The following SLC37A1 variants were observed in gnomAD, a reference collection of about 807,000 sequenced individuals.
SLC37A1 encodes the protein glucose-6-phosphate exchanger SLC37A1.
A neutral mutation model predicts 75.3 loss-of-function variants in SLC37A1; 49 were observed. The observed-to-expected ratio is 0.65, with a 90% CI of 0.52 to 0.83. The LOEUF is 0.83. SLC37A1 is among the 40% of genes least tolerant of loss of function. SLC37A1 has a pLI of 0.00. For synonymous variants in SLC37A1, 268 were observed against 292.1 expected, an observed-to-expected ratio of 0.92 and a Z score of 0.84; for missense variants, 566 against 695.0, an observed-to-expected ratio of 0.81 and a Z score of 2.09.
intron 3 of SLC37A1, 99 bp downstream of exon 3, chr21:42,525,956 GA>G (rs1413770453): frequency 1.2e-6 from 1 of 808,248 alleles, no homozygotes; most frequent in African/African-American, 1.7e-5. Context: ...GGTACATGGG[GA>G]AACAGATTAT....
At chr21:42,507,509 C>T (rs959288011) in intron 2 of SLC37A1, among the ~76,000 whole-genome samples, 30 of 152,112 alleles carry the variant, frequency 2.0e-4, no homozygotes, top group African/African-American at 6.5e-4. Context: ...ATAGGCAACC[C>T]GGGAAAGAGT....
In SLC37A1 at chr21:42,580,813, C is replaced by A; in HGVS notation, c.*453C>A. ...CACATGGAAAAACAGGACACCAGAG[C>A]CCACCAGACAGTGCCGGCCAGCAGA... On this transcript the variant is annotated 3_prime_UTR_variant, in exon 20 of 20. Coordinates refer to ENST00000352133, the MANE Select transcript of SLC37A1 (RefSeq NM_001320537.2). 5.2e-6 allele frequency: 1 copy of A among 193,432 alleles called. No individual in the cohort carries two copies. Among genetic ancestry groups the A allele is most frequent in the East Asian group, 1.7e-4 (1 of 6,012 alleles). 12.0% of individuals were successfully genotyped at this position (193,432 alleles called of 1,614,324 possible). A position where few individuals can be genotyped will look rare whatever the true frequency, so the allele number is the denominator to read the frequency against.
chr21:42,535,969 T>G (rs541922908), intron 5 of SLC37A1, among the ~76,000 whole-genome samples: 1 of 152,340 alleles, frequency 6.6e-6, no homozygotes, highest in East Asian at 1.9e-4. Context: ...GAATTTCACC[T>G]GATGATCGAA....
intron 2 of SLC37A1, among the ~76,000 whole-genome samples, chr21:42,520,317 C>T (rs1374527360): frequency 6.6e-6 from 1 of 152,126 alleles, no homozygotes; most frequent in African/African-American, 2.4e-5. Flanking sequence ...GTTCCTCGGC[C>T]TTTTTTCATC....
intron 10 of SLC37A1, among the ~76,000 whole-genome samples, chr21:42,557,359 G>C (rs1371568006): frequency 6.6e-6 from 1 of 152,278 alleles, no homozygotes; most frequent in East Asian, 1.9e-4. Flanking sequence ...CTTAGCCACA[G>C]TAGAGCATTA....
At chr21:42,512,069 T>TCAC (rs1394260402), upstream of SLC37A1, among the ~76,000 whole-genome samples, 3 of 65,368 alleles carry the variant, frequency 4.6e-5, no homozygotes, top group Non-Finnish European at 9.7e-5. Context: ...TTAAATATTC[T>TCAC]CACCACCAAA....
Position 42,569,774 on chromosome 21 carries a change from G to A in SLC37A1, c.1423+1336G>A, listed in dbSNP as rs577873437. Among the ~76,000 whole-genome samples the A allele has an allele frequency of 6.6e-5, 10 of 152,342 alleles. No individual in the cohort carries two copies. The East Asian group carries it at 1.5e-3, about 24-fold the overall frequency. ...ACTGGAACGGAAGCTCCAGGAGGAC[G>A]GGATTTGCCTGATTCTTTGCTGTAT... On this transcript the variant is annotated intron_variant, in intron 17 of 19. Coordinates refer to ENST00000352133, the MANE Select transcript of SLC37A1 (RefSeq NM_001320537.2).
rs2055997038 is a variant in SLC37A1 at position 42,567,030 on chromosome 21, T to A, written c.1316T>A (p.Leu439His). 1.9e-6 allele frequency: 3 copies of A among 1,609,034 alleles called. No individual in the cohort carries two copies. The highest frequency in any genetic ancestry group is 1.3e-5 in the African/African-American group (1 of 74,884). ...GCCCTGGTCAGTGGGCCCTACACACTCATCACCACCGCCGTCTCCGCCGAC... is the reference window on the plus strand; with the variant it reads ...GCCCTGGTCAGTGGGCCCTACACACACATCACCACCGCCGTCTCCGCCGAC... ...SGALVSGPYT[L>H]ITTAVSADLG... The change falls in exon 16 of 20, where the codon CTC becomes CAC. Residue 439 changes from leucine to histidine, a missense_variant. Transcript: ENST00000352133.
At chr21:42,577,553 T>C (rs2147074530) in intron 18 of SLC37A1, among the ~76,000 whole-genome samples, 1 of 152,320 alleles carries the variant, frequency 6.6e-6, no homozygotes, top group East Asian at 1.9e-4. Context: ...GCAGTTCTTA[T>C]GTTGTCAAGC....
intron 3 of SLC37A1, among the ~76,000 whole-genome samples, chr21:42,530,654 A>ACACACACCCCCCCCC (rs1161313598): frequency 5.6e-5 from 2 of 35,878 alleles, no homozygotes; most frequent in African/African-American, 1.6e-4. Context: ...ACACACACAC[A>ACACACACCCCCCCCC]CCCCCTCTGT....
intron 17 of SLC37A1, among the ~76,000 whole-genome samples, chr21:42,569,458 G>A (rs1384703279): frequency 2.0e-5 from 3 of 151,998 alleles, no homozygotes; most frequent in Non-Finnish European, 4.4e-5. Flanking sequence ...GTCACACCCC[G>A]TGCCTGGGAA....
chr21:42,542,448 C>T lies in SLC37A1; in HGVS notation c.531C>T (p.Val177=), dbSNP rs1158429914. 1.2e-6 allele frequency: 2 copies of T among 1,613,944 alleles called. No homozygotes were observed. The highest frequency in any genetic ancestry group is 2.2e-5 in the East Asian group (1 of 44,896). The change falls in exon 7 of 20, where the codon GTC becomes GTT. Residue 177 remains valine, a synonymous_variant. Transcript: ENST00000352133. ...AGACCACCGGCTGGCCCAGCGTCGT[C>T]ACCTGCCTCGGCAACTGGTTTGGAA... is the stretch of plus-strand genomic sequence containing the variant. ...LVQTTGWPSV[V]TCLGNWFGKG... is the part of the protein sequence containing the mutation.
At chr21:42,569,491 CCG>C (rs1165781347) in intron 17 of SLC37A1, among the ~76,000 whole-genome samples, 18 of 11,670 alleles carry the variant, frequency 1.5e-3, no homozygotes, top group Middle Eastern at 0.021. Context: ...TGACCTCGTG[CCG>C]CACTCCCTCG....
chr21:42,567,749 T>C (rs1283567021), intron 16 of SLC37A1, among the ~76,000 whole-genome samples: 1 of 152,216 alleles, frequency 6.6e-6, no homozygotes, highest in Non-Finnish European at 1.5e-5. Flanking sequence ...TTTCCCCTGA[T>C]CTTTTTCCCC....
At chr21:42,517,414 C>A (rs968012795) in intron 1 of SLC37A1, among the ~76,000 whole-genome samples, 1 of 152,146 alleles carries the variant, frequency 6.6e-6, no homozygotes, top group Non-Finnish European at 1.5e-5. Context: ...TGAGGGGCGG[C>A]TCCTGGGACG....
At chr21:42,578,048 T>G (rs2056343877) in intron 18 of SLC37A1, among the ~76,000 whole-genome samples, 1 of 152,324 alleles carries the variant, frequency 6.6e-6, no homozygotes, top group South Asian at 2.1e-4. Context: ...CCTTTTTCTC[T>G]TCACTGATCA....
At chr21:42,565,197 C>G (rs2055945199) in intron 14 of SLC37A1, among the ~76,000 whole-genome samples, 1 of 152,272 alleles carries the variant, frequency 6.6e-6, no homozygotes, top group South Asian at 2.1e-4. Flanking sequence ...TGACACCCCC[C>G]TCTATGCCCC....
chr21:42,572,489 C>T (rs1386833812), intron 17 of SLC37A1, among the ~76,000 whole-genome samples: 1 of 152,010 alleles, frequency 6.6e-6, no homozygotes, highest in African/African-American at 2.4e-5. Context: ...GCCTGTCTCC[C>T]TGTTCTTTCT....
chr21:42,558,433 C>T (rs2055744565), intron 10 of SLC37A1, among the ~76,000 whole-genome samples: 1 of 152,216 alleles, frequency 6.6e-6, no homozygotes, highest in South Asian at 2.1e-4. Flanking sequence ...CGCTGACAAC[C>T]ATTGTTGGCT....
Sources: allele counts gnomAD v4.1 joint callset (sites outside exome capture counted in the v4.1 genomes callset), GRCh38; gene constraint gnomAD v4.1.1; transcripts MANE v1.5; gene names NCBI Gene and HGNC (gene_info 2026-07-23, HGNC 2026-07-21).